The following WWOX variants were observed in gnomAD, a reference collection of about 807,000 sequenced individuals.
WWOX encodes WW domain-containing oxidoreductase.
WWOX carries 69 observed loss-of-function variants against 46.2 expected under a neutral mutation model. The ratio of observed to expected loss-of-function variants is 1.49; its 90% CI spans 1.23 to 1.82. The LOEUF is 1.82. Ranked by LOEUF, WWOX falls within the 40% of genes most tolerant of loss-of-function variation. The pLI, the probability that WWOX is intolerant of heterozygous loss-of-function variation, is 0.00. For synonymous variants in WWOX, 359 were observed against 202.6 expected (o/e 1.77, Z -6.56); for missense variants, 919 against 542.6 (o/e 1.69, Z -6.89).
chr16:78,825,581 G>A, intron 8 of WWOX: 1 of 534,082 alleles, frequency 1.9e-6, no homozygotes, highest in Non-Finnish European at 3.8e-6. Flanking sequence ...CATTGCCCAG[G>A]TCGAGTCTGC....
chr16:79,135,790 A>T (rs938481236), intron 8 of WWOX, among the ~76,000 whole-genome samples: 1 of 152,110 alleles, frequency 6.6e-6, no homozygotes, highest in African/African-American at 2.4e-5. Context: ...ATTATTTCTT[A>T]ATTTTACATT....
intron 8 of WWOX, among the ~76,000 whole-genome samples, chr16:79,003,720 A>G (rs1469131285): frequency 6.6e-6 from 1 of 152,066 alleles, no homozygotes; most frequent in Non-Finnish European, 1.5e-5. Context: ...GGGTGATTGG[A>G]TTCTTGTAGG....
intron 5 of WWOX, among the ~76,000 whole-genome samples, chr16:78,373,550 T>C (rs2081746029): frequency 1.3e-5 from 2 of 152,280 alleles, no homozygotes; most frequent in South Asian, 2.1e-4. Flanking sequence ...CAACCTCTTT[T>C]TCCTATGCTG....
intron 8 of WWOX, among the ~76,000 whole-genome samples, chr16:79,168,879 A>G (rs371760988): frequency 6.6e-6 from 1 of 152,228 alleles, no homozygotes; most frequent in Admixed American, 6.5e-5. Flanking sequence ...ATTTTTTAAA[A>G]CAAAAAACTT....
chr16:78,633,775 C>T (rs2046497948), intron 8 of WWOX, among the ~76,000 whole-genome samples: 1 of 152,198 alleles, frequency 6.6e-6, no homozygotes, highest in African/African-American at 2.4e-5. Context: ...GGACTCCAGG[C>T]TGTGGTGTGC....
chr16:78,887,468 AACAC>A (rs78503110), intron 8 of WWOX, among the ~76,000 whole-genome samples: 26,394 of 135,684 alleles, frequency 0.19, 2,709 homozygotes, highest in African/African-American at 0.27. Context: ...AAGTATATAA[AACAC>A]ACACACACAC....
At chr16:79,126,822 A>G (rs1216038580) in intron 8 of WWOX, among the ~76,000 whole-genome samples, 2 of 152,172 alleles carry the variant, frequency 1.3e-5, no homozygotes, top group Admixed American at 6.5e-5. Context: ...CCTATAGGAC[A>G]TGCAAAGCCA....
chr16:78,933,499 G>A (rs752532880), intron 8 of WWOX, among the ~76,000 whole-genome samples: 1 of 152,228 alleles, frequency 6.6e-6, no homozygotes, highest in Non-Finnish European at 1.5e-5. Flanking sequence ...GACCAAGGTG[G>A]TGGAATAGGT....
chr16:79,132,707 G>C (rs2049905559), intron 8 of WWOX, among the ~76,000 whole-genome samples: 1 of 152,078 alleles, frequency 6.6e-6, no homozygotes, highest in Non-Finnish European at 1.5e-5. Flanking sequence ...ACTTTGGAAA[G>C]AGGCTCTGGC....
rs577850531 is a variant in WWOX at position 79,148,482 on chromosome 16, C to T, written c.1057-63126C>T. Among the ~76,000 whole-genome samples the T allele has an allele frequency of 2.6e-5, 4 of 152,238 alleles. No homozygotes were observed. In the East Asian group the frequency reaches 5.8e-4, roughly 22 times the overall value. On this transcript the variant is annotated intron_variant, in intron 8 of 8. Coordinates refer to ENST00000566780, the MANE Select transcript of WWOX (RefSeq NM_016373.4). ...ATTACTATAGCTATGTAGTAAGCCTCATGTCAGGTAGAGTGATTCTTCTCA... is the reference window on the plus strand; with the variant it reads ...ATTACTATAGCTATGTAGTAAGCCTTATGTCAGGTAGAGTGATTCTTCTCA...
intron 5 of WWOX, among the ~76,000 whole-genome samples, chr16:78,334,808 G>GCACACACACACA (rs752956790): frequency 2.5e-5 from 2 of 78,754 alleles, no homozygotes; most frequent in Non-Finnish European, 5.8e-5. Flanking sequence ...ACACACACAC[G>GCACACACACACA]CACACACACA....
At chr16:78,853,617 A>T (rs2052501362) in intron 8 of WWOX, among the ~76,000 whole-genome samples, 1 of 152,174 alleles carries the variant, frequency 6.6e-6, no homozygotes, top group Non-Finnish European at 1.5e-5. Flanking sequence ...ATTTTATCTG[A>T]AAAACCTGTA....
chr16:78,702,045 A>ATATATATATATATATAT (rs1491253055), intron 8 of WWOX, among the ~76,000 whole-genome samples: 4 of 121,970 alleles, frequency 3.3e-5, no homozygotes, highest in Non-Finnish European at 6.6e-5. Context: ...ATATATATAT[A>ATATATATATATATATAT]AAATAATGCA....
intron 8 of WWOX, among the ~76,000 whole-genome samples, chr16:78,785,600 GAGAT>G (rs1163895443): frequency 6.6e-6 from 1 of 152,104 alleles, no homozygotes; most frequent in African/African-American, 2.4e-5. Flanking sequence ...TTATAAATTC[GAGAT>G]AGTCAGTTTT....
chr16:79,104,465 T>A (rs2049267653), intron 8 of WWOX, among the ~76,000 whole-genome samples: 1 of 152,212 alleles, frequency 6.6e-6, no homozygotes, highest in Non-Finnish European at 1.5e-5. Context: ...ATCATATTTG[T>A]AAAACAAATA....
intron 5 of WWOX, among the ~76,000 whole-genome samples, chr16:78,292,000 C>CAA (rs891232706): frequency 6.7e-6 from 1 of 150,102 alleles, no homozygotes; most frequent in African/African-American, 2.4e-5. Flanking sequence ...CCCTGTGTAA[C>CAA]AAAGTCAGAT....
At chr16:78,575,032 T>TAA (rs2044828227) in intron 8 of WWOX, among the ~76,000 whole-genome samples, 1 of 2,358 alleles carries the variant, frequency 4.2e-4, no homozygotes, top group Non-Finnish European at 8.9e-4. Context: ...AATATATATA[T>TAA]ATATATATAT....
chr16:78,576,644 G>A (rs2044887629), intron 8 of WWOX, among the ~76,000 whole-genome samples: 1 of 152,130 alleles, frequency 6.6e-6, no homozygotes, highest in African/African-American at 2.4e-5. Flanking sequence ...ACCAGCCTGG[G>A]CACTATAGTG....
At chr16:78,551,929 T>C (rs965304110) in intron 8 of WWOX, 3 of 152,306 alleles carry the variant, frequency 2.0e-5, no homozygotes, top group African/African-American at 7.2e-5. Context: ...CACCCCCTCT[T>C]ACCTGTGGCA....
Sources: allele counts gnomAD v4.1 joint callset (sites outside exome capture counted in the v4.1 genomes callset), GRCh38; gene constraint gnomAD v4.1.1; transcripts MANE v1.5; gene names NCBI Gene and HGNC (gene_info 2026-07-23, HGNC 2026-07-21).